Variants in PDE10A observed in about 807,000 individuals in gnomAD.
The protein encoded by PDE10A is phosphodiesterase 10A, also known as cAMP and cAMP-inhibited cGMP 3',5'-cyclic phosphodiesterase 10A.
A neutral mutation model predicts 97.7 loss-of-function variants in PDE10A; 39 were observed. That is an observed-to-expected ratio of 0.40 (90% CI 0.31 to 0.52). PDE10A has a LOEUF of 0.52. PDE10A is among the 20% of genes least tolerant of loss of function. The pLI, the probability that PDE10A is intolerant of heterozygous loss-of-function variation, is 0.56. For synonymous variants in PDE10A, 371 were observed against 376.8 expected, an observed-to-expected ratio of 0.98 and a Z score of 0.18; for missense variants, 731 against 1,047.8, an observed-to-expected ratio of 0.70 and a Z score of 4.17.
intron 1 of PDE10A, among the ~76,000 whole-genome samples, chr6:165,754,691 T>C (rs916145316): frequency 1.3e-5 from 2 of 152,142 alleles, no homozygotes; most frequent in African/African-American, 4.8e-5. Flanking sequence ...CTACTCCACT[T>C]ACCGTGTGAA....
intron 1 of PDE10A, among the ~76,000 whole-genome samples, chr6:165,855,528 G>A (rs1489841178): frequency 6.6e-6 from 1 of 151,532 alleles, no homozygotes; most frequent in East Asian, 1.9e-4. Context: ...CGCAGCCCGG[G>A]TTCATGTGGG....
intron 1 of PDE10A, among the ~76,000 whole-genome samples, chr6:165,683,757 G>A (rs1306804868): frequency 6.6e-6 from 1 of 152,140 alleles, no homozygotes; most frequent in Non-Finnish European, 1.5e-5. Flanking sequence ...GCAGGGCAGT[G>A]AACCAAAGAT....
intron 18 of PDE10A, among the ~76,000 whole-genome samples, chr6:165,376,775 T>C (rs551745588): frequency 5.9e-5 from 9 of 152,070 alleles, no homozygotes; most frequent in Non-Finnish European, 1.2e-4. Flanking sequence ...AAAAATTAGC[T>C]GGGCATGGTG....
chr6:165,903,847 A>C (rs1782185370), intron 1 of PDE10A, among the ~76,000 whole-genome samples: 1 of 152,206 alleles, frequency 6.6e-6, no homozygotes, highest in Non-Finnish European at 1.5e-5. Context: ...GAAGAGGGTG[A>C]CTTAAGGTGG....
chr6:165,952,298 G>A (rs1783989463), intron 1 of PDE10A, among the ~76,000 whole-genome samples: 1 of 152,220 alleles, frequency 6.6e-6, no homozygotes, highest in South Asian at 2.1e-4. Flanking sequence ...GAGCCCACAT[G>A]TCTCACGGAG....
At chr6:165,375,993 T>C (rs1256690078) in intron 18 of PDE10A, among the ~76,000 whole-genome samples, 1 of 152,236 alleles carries the variant, frequency 6.6e-6, no homozygotes. Context: ...AGAGCTCTGA[T>C]GGACATGCAC....
chr6:165,343,365 T>C (rs1562365596), intron 19 of PDE10A, 26 bp downstream of exon 19: 4 of 1,414,040 alleles, frequency 2.8e-6, no homozygotes, highest in Middle Eastern at 1.8e-4. Flanking sequence ...TCACTATCTA[T>C]GTCAATATAA....
At chr6:165,612,669 A>T (rs983677901) in intron 1 of PDE10A, among the ~76,000 whole-genome samples, 1 of 152,164 alleles carries the variant, frequency 6.6e-6, no homozygotes, top group Non-Finnish European at 1.5e-5. Context: ...GCGCCCAGCC[A>T]TATTTTTGTC....
At chr6:165,637,014 A>C (rs73251563) in intron 1 of PDE10A, among the ~76,000 whole-genome samples, 1 of 152,344 alleles carries the variant, frequency 6.6e-6, no homozygotes, top group Non-Finnish European at 1.5e-5. Context: ...AGAGCAGCTC[A>C]TATGTATTCA....
rs904865398 is a variant in PDE10A at position 165,381,680 on chromosome 6, A to C, written c.2611-2314T>G. ...GTATTTTTAGTAGAGACGGAGTTTC[A>C]CCATGTTGGCCAGGATGCTCTTCAT... On this transcript the variant is annotated intron_variant, in intron 17 of 21. Transcript: ENST00000539869. 4.3e-4 allele frequency among the ~76,000 whole-genome samples: 58 copies of C among 134,430 alleles called. 1 individual carries two copies. The highest frequency in any genetic ancestry group is 3.7e-3 in the Admixed American group (44 of 11,936). 88.2% of individuals were successfully genotyped at this position (134,430 alleles called of 152,430 possible).
chr6:165,558,815 A>AT (rs1355546483), intron 1 of PDE10A, among the ~76,000 whole-genome samples: 2 of 152,212 alleles, frequency 1.3e-5, no homozygotes, highest in Non-Finnish European at 2.9e-5. Context: ...TGCAAAGTCG[A>AT]TAAGGGTACA....
chr6:165,681,918 T>C (rs1157140230), intron 1 of PDE10A, among the ~76,000 whole-genome samples: 1 of 152,184 alleles, frequency 6.6e-6, no homozygotes, highest in East Asian at 1.9e-4. Flanking sequence ...GAGTTTAATT[T>C]TTCTGAAATT....
intron 1 of PDE10A, among the ~76,000 whole-genome samples, chr6:165,668,716 GAA>G (rs1416924040): frequency 1.4e-5 from 2 of 145,598 alleles, no homozygotes; most frequent in African/African-American, 5.1e-5. Flanking sequence ...AGAAAAGAAA[GAA>G]AGAGAGAGAG....
At chr6:165,450,454 G>T in intron 3 of PDE10A, 92 bp from the exon 4 acceptor site, 2 of 514,936 alleles carry the variant, frequency 3.9e-6, no homozygotes, top group Non-Finnish European at 6.6e-6. Flanking sequence ...TAATATATGT[G>T]ACTTAATATA....
chr6:165,982,029 G>C (rs565220030), intron 1 of PDE10A, among the ~76,000 whole-genome samples: 43 of 152,258 alleles, frequency 2.8e-4, no homozygotes, highest in African/African-American at 1.0e-3. Context: ...CCAGTTTCAG[G>C]CTCTCCCAAT....
intron 1 of PDE10A, among the ~76,000 whole-genome samples, chr6:165,734,958 ATAGATAG>A (rs1792528111): frequency 9.3e-6 from 1 of 107,138 alleles, no homozygotes; most frequent in Non-Finnish European, 1.9e-5. Flanking sequence ...AAGTAGATAG[ATAGATAG>A]ATAGATAGAT....
intron 1 of PDE10A, among the ~76,000 whole-genome samples, chr6:165,626,531 T>C (rs1475673538): frequency 6.6e-6 from 1 of 152,228 alleles, no homozygotes; most frequent in Non-Finnish European, 1.5e-5. Flanking sequence ...GTTTGGAATA[T>C]ACAATTTTTT....
At chr6:165,829,727 A>G (rs576004077) in intron 1 of PDE10A, among the ~76,000 whole-genome samples, 9 of 152,236 alleles carry the variant, frequency 5.9e-5, no homozygotes, top group African/African-American at 1.9e-4. Flanking sequence ...CTTTTCCCCA[A>G]TGCTTCCTCT....
At chr6:165,827,342 T>C (rs1779791466) in intron 1 of PDE10A, among the ~76,000 whole-genome samples, 1 of 152,092 alleles carries the variant, frequency 6.6e-6, no homozygotes, top group South Asian at 2.1e-4. Context: ...GCTCGAGACC[T>C]GTGCGGGGAC....
Sources: allele counts gnomAD v4.1 joint callset (sites outside exome capture counted in the v4.1 genomes callset), GRCh38; gene constraint gnomAD v4.1.1; transcripts MANE v1.5; gene names NCBI Gene and HGNC (gene_info 2026-07-23, HGNC 2026-07-21).